MBNL1: variants seen among roughly 807,000 people sequenced by gnomAD.
The protein encoded by MBNL1 is muscleblind-like protein 1.
A neutral mutation model predicts 42.2 loss-of-function variants in MBNL1; 8 were observed. The ratio of observed to expected loss-of-function variants is 0.19; its 90% CI spans 0.11 to 0.34. MBNL1 has a LOEUF of 0.34. Among genes scored for constraint, MBNL1 ranks in the 10% least tolerant of loss-of-function variants. The probability of loss-of-function intolerance (pLI) is 1.00; values close to 1 mark genes in which losing one functional copy is unlikely to be tolerated. For missense variants in MBNL1, 309 were observed against 495.3 expected, an observed-to-expected ratio of 0.62 and a Z score of 3.57; for synonymous variants, 169 against 173.9, an observed-to-expected ratio of 0.97 and a Z score of 0.22.
chr3:152,346,629 A>G (rs2094289082), intron 2 of MBNL1, among the ~76,000 whole-genome samples: 1 of 152,086 alleles, frequency 6.6e-6, no homozygotes, highest in South Asian at 2.1e-4. Context: ...ATGTGGTCCT[A>G]CAGTTTTGTT....
At chr3:152,358,155 C>G (rs1472567099) in intron 2 of MBNL1, among the ~76,000 whole-genome samples, 3 of 152,118 alleles carry the variant, frequency 2.0e-5, no homozygotes, top group African/African-American at 7.2e-5. Context: ...TTTCAGGTAT[C>G]CCATGAAGAG....
intron 6 of MBNL1, among the ~76,000 whole-genome samples, chr3:152,454,466 T>G (rs1729769010): frequency 6.6e-6 from 1 of 152,204 alleles, no homozygotes; most frequent in Non-Finnish European, 1.5e-5. Flanking sequence ...TTGGATATTT[T>G]AAAACCTAGA....
At chr3:152,281,071 T>G (rs2048159477) in intron 1 of MBNL1, among the ~76,000 whole-genome samples, 1 of 152,128 alleles carries the variant, frequency 6.6e-6, no homozygotes, top group African/African-American at 2.4e-5. Flanking sequence ...CTTTAGCCAT[T>G]CTAGTAATTA....
intron 1 of MBNL1, among the ~76,000 whole-genome samples, chr3:152,272,053 C>G (rs2042246957): frequency 6.6e-6 from 1 of 151,736 alleles, no homozygotes; most frequent in South Asian, 2.1e-4. Flanking sequence ...CTCTCTCTCT[C>G]TCTCTCTCTC....
At chr3:152,440,304 T>C (rs905669773) in intron 4 of MBNL1, among the ~76,000 whole-genome samples, 7 of 152,312 alleles carry the variant, frequency 4.6e-5, no homozygotes, top group African/African-American at 1.7e-4. Context: ...TTCACGCTGC[T>C]GATAAAGACA....
intron 2 of MBNL1, among the ~76,000 whole-genome samples, chr3:152,401,294 G>T (rs2098207031): frequency 6.6e-6 from 1 of 152,142 alleles, no homozygotes; most frequent in African/African-American, 2.4e-5. Flanking sequence ...ATTCACTACT[G>T]TGAGTTTATT....
At chr3:152,300,442 T>C (rs2060240713) in intron 2 of MBNL1, 75 bp downstream of exon 2, 3 of 1,196,966 alleles carry the variant, frequency 2.5e-6, no homozygotes, top group Non-Finnish European at 3.6e-6. Flanking sequence ...GTTCTCTGCA[T>C]ATGGGATTAT....
At chr3:152,384,065 T>A (rs2097302049) in intron 2 of MBNL1, among the ~76,000 whole-genome samples, 2 of 152,162 alleles carry the variant, frequency 1.3e-5, no homozygotes, top group Non-Finnish European at 2.9e-5. Flanking sequence ...ATGTTACTTT[T>A]CAAAATGTAA....
intron 2 of MBNL1, among the ~76,000 whole-genome samples, chr3:152,409,048 C>A (rs1408817438): frequency 6.6e-6 from 1 of 152,116 alleles, no homozygotes; most frequent in Non-Finnish European, 1.5e-5. Context: ...TTAAGAGCAA[C>A]AATATACTTC....
At chr3:152,280,519 G>A (rs1373144465) in intron 1 of MBNL1, among the ~76,000 whole-genome samples, 1 of 152,072 alleles carries the variant, frequency 6.6e-6, no homozygotes, top group Non-Finnish European at 1.5e-5. Context: ...GAGAAAGGTG[G>A]GCACATACGG....
intron 2 of MBNL1, chr3:152,340,756 C>T (rs1272951065): frequency 6.2e-7 from 1 of 1,614,032 alleles, no homozygotes; most frequent in Non-Finnish European, 8.5e-7. Context: ...AGCATCCAGG[C>T]CTGCTAACTC....
At chr3:152,329,774 G>A (rs913534864) in intron 2 of MBNL1, among the ~76,000 whole-genome samples, 10 of 145,602 alleles carry the variant, frequency 6.9e-5, no homozygotes, top group Non-Finnish European at 1.3e-4. Context: ...TTTCAAAACC[G>A]GTCAAAGTTC....
At chr3:152,255,393 G>T (rs149750504) in intron 2 of MBNL1, among the ~76,000 whole-genome samples, 4 of 152,048 alleles carry the variant, frequency 2.6e-5, no homozygotes, top group African/African-American at 9.6e-5. Context: ...TTTTAATATT[G>T]AGCATTATCT....
At chr3:152,444,602 C>T (rs2099194463) in intron 4 of MBNL1, among the ~76,000 whole-genome samples, 1 of 152,184 alleles carries the variant, frequency 6.6e-6, no homozygotes, top group Non-Finnish European at 1.5e-5. Context: ...TCTTACATAA[C>T]TGTAGAATCC....
At chr3:152,420,130 C>G (rs1007928899) in intron 3 of MBNL1, among the ~76,000 whole-genome samples, 4 of 152,208 alleles carry the variant, frequency 2.6e-5, no homozygotes, top group African/African-American at 9.7e-5. Flanking sequence ...ACATAAAACT[C>G]CCATCTCTCT....
At chr3:152,400,498 CTCTT>C (rs2098169134) in intron 2 of MBNL1, among the ~76,000 whole-genome samples, 2 of 152,174 alleles carry the variant, frequency 1.3e-5, no homozygotes, top group Non-Finnish European at 2.9e-5. Context: ...TGATAATACA[CTCTT>C]TCTTAAGTGT....
intron 1 of MBNL1, among the ~76,000 whole-genome samples, chr3:152,295,842 G>A (rs907514882): frequency 1.3e-5 from 2 of 152,214 alleles, no homozygotes; most frequent in African/African-American, 4.8e-5. Flanking sequence ...CACCTGCCAA[G>A]AACCCTCAGC....
chr3:152,319,732 TTATAA>T (rs1485197628), intron 2 of MBNL1, among the ~76,000 whole-genome samples: 1 of 142,994 alleles, frequency 7.0e-6, no homozygotes, highest in African/African-American at 2.6e-5. Flanking sequence ...ACAATTAAAA[TTATAA>T]TAAAATATAC....
chr3:152,361,195 G>C (rs547018247), intron 2 of MBNL1, among the ~76,000 whole-genome samples: 1 of 152,052 alleles, frequency 6.6e-6, no homozygotes, highest in East Asian at 1.9e-4. Flanking sequence ...TCTATGTTAG[G>C]TGCTGCCAGA....
Sources: allele counts gnomAD v4.1 joint callset (sites outside exome capture counted in the v4.1 genomes callset), GRCh38; gene constraint gnomAD v4.1.1; transcripts MANE v1.5; gene names NCBI Gene and HGNC (gene_info 2026-07-23, HGNC 2026-07-21).